ALLC: variants seen among roughly 807,000 people sequenced by gnomAD.
The protein encoded by ALLC is probable inactive allantoicase.
A neutral mutation model predicts 45.0 loss-of-function variants in ALLC; 40 were observed. The ratio of observed to expected loss-of-function variants is 0.89; its 90% CI spans 0.69 to 1.16. The LOEUF is 1.16. ALLC is among the 50% of genes most tolerant of loss of function. The pLI is 0.00. For missense variants in ALLC, 488 were observed against 493.1 expected (o/e 0.99, Z 0.10); for synonymous variants, 176 against 178.1 (o/e 0.99, Z 0.09).
intron 1 of ALLC, among the ~76,000 whole-genome samples, chr2:3,659,980 G>T (rs1311778750): frequency 6.6e-6 from 1 of 152,230 alleles, no homozygotes; most frequent in Non-Finnish European, 1.5e-5. Context: ...TAGGGGTGGG[G>T]AGACTTTTCA....
chr2:3,656,688 C>T (rs772467896), upstream of ALLC, among the ~76,000 whole-genome samples: 2 of 152,324 alleles, frequency 1.3e-5, no homozygotes, highest in Middle Eastern at 3.4e-3. Flanking sequence ...AGCCTCAGGC[C>T]GTATCTCAAA....
At chr2:3,673,727 A>C (rs573245363) in intron 2 of ALLC, among the ~76,000 whole-genome samples, 1 of 152,348 alleles carries the variant, frequency 6.6e-6, no homozygotes, top group African/African-American at 2.4e-5. Flanking sequence ...TACGTAACCC[A>C]GAGCTTTTTT....
the ALLC span, among the ~76,000 whole-genome samples, chr2:3,647,963 T>G: frequency 1.3e-5 from 2 of 152,180 alleles, no homozygotes; most frequent in African/African-American, 2.4e-5. Flanking sequence ...ACCAATCCAA[T>G]GCCAAGTCTG....
Position 3,680,086 on chromosome 2 carries a change from C to T in ALLC, c.298+92C>T. The T allele has an allele frequency of 1.3e-6, 2 of 1,559,176 alleles. No homozygotes were observed. Among genetic ancestry groups the T allele is most frequent in the Non-Finnish European group, 1.8e-6 (2 of 1,139,434 alleles). On this transcript the variant is annotated intron_variant, in intron 5 of 11. Transcript: ENST00000252505. The surrounding 1 kb of genome is among the most constrained non-coding windows in gnomAD (Gnocchi z 4.0). ...GCCCCACAACTGCTCACTTTCCCTA[C>T]CACCCAGACAGCTTCAGGCGCTTGA...
intron 2 of ALLC, among the ~76,000 whole-genome samples, chr2:3,673,725 C>G (rs1419330559): frequency 6.6e-6 from 1 of 152,180 alleles, no homozygotes; most frequent in Non-Finnish European, 1.5e-5. Context: ...CATACGTAAC[C>G]CAGAGCTTTT....
At chr2:3,683,968 C>T (rs1302290201) in intron 7 of ALLC, among the ~76,000 whole-genome samples, 1 of 152,152 alleles carries the variant, frequency 6.6e-6, no homozygotes, top group Non-Finnish European at 1.5e-5. Context: ...GATACTCAAC[C>T]ACTACCACAT....
At chr2:3,659,222 G>A (rs13425985) in intron 1 of ALLC, among the ~76,000 whole-genome samples, 14,968 of 152,100 alleles carry the variant, frequency 0.098, 971 homozygotes, top group East Asian at 0.21. Flanking sequence ...TTGTCAGAGG[G>A]AGGTCTCTCT....
At chr2:3,656,491 A>C (rs547351975), upstream of ALLC, among the ~76,000 whole-genome samples, 11 of 152,384 alleles carry the variant, frequency 7.2e-5, no homozygotes, top group South Asian at 2.3e-3. Context: ...AACTTACCTC[A>C]TAAGACAGAG....
chr2:3,649,464 A>G, the ALLC span, among the ~76,000 whole-genome samples: 1 of 152,090 alleles, frequency 6.6e-6, no homozygotes, highest in Admixed American at 6.5e-5. Context: ...GATGGTCTCG[A>G]TCTCCTGACC....
intron 8 of ALLC, 106 bp downstream of exon 8, chr2:3,695,978 A>G: frequency 3.4e-6 from 4 of 1,167,888 alleles, no homozygotes; most frequent in Non-Finnish European, 4.8e-6. Context: ...ATCTCAAAGC[A>G]CAGCAGTGGA....
At chr2:3,655,575 C>T (rs909182827), upstream of ALLC, among the ~76,000 whole-genome samples, 3 of 152,210 alleles carry the variant, frequency 2.0e-5, no homozygotes, top group East Asian at 1.9e-4. Context: ...CCCACCTCAG[C>T]CTCCCAAGTA....
At chr2:3,662,568 A>G (rs1005465047) in intron 1 of ALLC, among the ~76,000 whole-genome samples, 3 of 152,382 alleles carry the variant, frequency 2.0e-5, no homozygotes, top group African/African-American at 7.2e-5. Context: ...ATGTTACAGC[A>G]TGAAGAACCC....
chr2:3,691,628 T>C (rs577748810), intron 7 of ALLC, among the ~76,000 whole-genome samples: 42 of 152,282 alleles, frequency 2.8e-4, no homozygotes, highest in African/African-American at 9.9e-4. Flanking sequence ...ATCCATTTCT[T>C]TGAGCTTTCT....
intron 5 of ALLC, 135 bp from the exon 6 acceptor site, chr2:3,681,499 C>A: frequency 1.7e-6 from 1 of 579,888 alleles, no homozygotes; most frequent in Non-Finnish European, 3.0e-6. Flanking sequence ...GTGTCTATTA[C>A]TTTGATCATT....
chr2:3,647,792 C>T, the ALLC span, among the ~76,000 whole-genome samples: 3 of 152,128 alleles, frequency 2.0e-5, no homozygotes, highest in Non-Finnish European at 2.9e-5. Flanking sequence ...TGATCACTAA[C>T]GCATCCTCTC....
chr2:3,673,933 C>T (rs769644259), intron 2 of ALLC, 142 bp from the exon 3 acceptor site: 53 of 638,196 alleles, frequency 8.3e-5, no homozygotes, highest in African/African-American at 1.5e-4. Context: ...GGCATCATGG[C>T]TTAACTGCAG....
In ALLC at chr2:3,697,330, T is replaced by G. The variant is rs1667700225; in HGVS notation, c.742-18T>G. The G allele has an allele frequency of 6.2e-7, 1 of 1,606,930 alleles. No individual in the cohort carries two copies. Among genetic ancestry groups the G allele is most frequent in the African/African-American group, 1.3e-5 (1 of 74,742 alleles). On this transcript the variant is annotated intron_variant, in intron 9 of 11. Transcript: ENST00000252505. The stretch of plus-strand genomic sequence containing the variant: ...GACTCCAAGTTCGTTTACCATTTTC[T>G]TCTCTTCTGAATTCCAGAATGATGA...
intron 5 of ALLC, 40 bp from the exon 6 acceptor site, chr2:3,681,594 G>T: frequency 6.8e-7 from 1 of 1,466,108 alleles, no homozygotes; most frequent in South Asian, 1.2e-5. Flanking sequence ...CTTTGATTTT[G>T]AACCCTAATC....
the ALLC span, among the ~76,000 whole-genome samples, chr2:3,646,636 C>A: frequency 6.6e-6 from 1 of 152,186 alleles, no homozygotes; most frequent in African/African-American, 2.4e-5. Flanking sequence ...GGAAGGGAGC[C>A]CGTCAGAGCG....
Sources: allele counts gnomAD v4.1 joint callset (sites outside exome capture counted in the v4.1 genomes callset), GRCh38; gene constraint gnomAD v4.1.1; non-coding constraint Gnocchi (gnomAD v3.1); transcripts MANE v1.5; gene names NCBI Gene and HGNC (gene_info 2026-07-23, HGNC 2026-07-21).